The following CHEK1 variants were observed in gnomAD, a reference collection of about 807,000 sequenced individuals.
CHEK1 encodes checkpoint kinase 1.
CHEK1 carries 32 observed loss-of-function variants against 60.2 expected under a neutral mutation model. That is an observed-to-expected ratio of 0.53 (90% CI 0.40 to 0.71). The LOEUF is 0.71. Among genes scored for constraint, CHEK1 ranks in the 30% least tolerant of loss-of-function variants. The probability of loss-of-function intolerance (pLI) is 0.00; values close to 1 mark genes in which losing one functional copy is unlikely to be tolerated. For missense variants in CHEK1, 399 were observed against 564.6 expected, an observed-to-expected ratio of 0.71 and a Z score of 2.97; for synonymous variants, 179 against 187.2, an observed-to-expected ratio of 0.96 and a Z score of 0.36.
At chr11:125,667,601 C>A (rs1942123181) in intron 13 of CHEK1, among the ~76,000 whole-genome samples, 1 of 152,054 alleles carries the variant, frequency 6.6e-6, no homozygotes, top group South Asian at 2.1e-4. Flanking sequence ...TGCCTCATTG[C>A]TCTGGCTAGG....
intron 13 of CHEK1, among the ~76,000 whole-genome samples, chr11:125,665,707 T>A (rs983482510): frequency 6.6e-6 from 1 of 152,094 alleles, no homozygotes; most frequent in Non-Finnish European, 1.5e-5. Context: ...TCAATCTTGA[T>A]AGGTTGTTTG....
intron 5 of CHEK1, among the ~76,000 whole-genome samples, chr11:125,631,003 A>G (rs1356008981): frequency 6.6e-6 from 1 of 152,230 alleles, no homozygotes; most frequent in Non-Finnish European, 1.5e-5. Flanking sequence ...AAGAATTCAT[A>G]TGGTCTGATT....
At chr11:125,670,863 C>T (rs992401189) in intron 13 of CHEK1, among the ~76,000 whole-genome samples, 5 of 152,002 alleles carry the variant, frequency 3.3e-5, no homozygotes, top group African/African-American at 1.2e-4. Flanking sequence ...TATGTTTTGT[C>T]CAGAACATAT....
At chr11:125,665,490 C>T (rs899759276) in intron 13 of CHEK1, among the ~76,000 whole-genome samples, 1 of 151,874 alleles carries the variant, frequency 6.6e-6, no homozygotes. Flanking sequence ...TAATGCTGGC[C>T]TGGTAAAATC....
Position 125,627,674 on chromosome 11 carries a change from G to A in CHEK1, c.133G>A (p.Ala45Thr). ...AGTGAAGATTGTAGATATGAAGCGT[G>A]CCGTAGACTGTCCAGAAAATATTAA... is the stretch of plus-strand genomic sequence containing the variant. ...VAVKIVDMKR[A>T]VDCPENIKKE... The change falls in exon 3 of 13, where the codon GCC becomes ACC. Residue 45 changes from alanine to threonine, a missense_variant. Transcript: ENST00000438015. The A allele has an allele frequency of 6.2e-7, 1 of 1,613,970 alleles. No individual in the cohort carries two copies. The highest frequency in any genetic ancestry group is 8.5e-7 in the Non-Finnish European group (1 of 1,179,934).
downstream of CHEK1, chr11:125,678,396 G>C: frequency 7.1e-7 from 1 of 1,418,118 alleles, no homozygotes; most frequent in Non-Finnish European, 9.5e-7. Flanking sequence ...AGACTCCTAG[G>C]TTTCCTATGG....
At chr11:125,636,871 G>T (rs547567023) in intron 7 of CHEK1, among the ~76,000 whole-genome samples, 28 of 152,026 alleles carry the variant, frequency 1.8e-4, no homozygotes, top group Admixed American at 3.3e-4. Flanking sequence ...CTTTGGAAAG[G>T]TCTTCTACCT....
chr11:125,644,369 T>C, intron 10 of CHEK1, 101 bp downstream of exon 10: 1 of 1,454,432 alleles, frequency 6.9e-7, no homozygotes, highest in Non-Finnish European at 9.3e-7. Context: ...AACTTTTAAA[T>C]CACATGTATT....
rs1445428957 is a variant in CHEK1 at position 125,653,005 on chromosome 11, TC to T, written c.1234-740del. Reference sequence around the variant, plus strand: ...GACTCTAGTATCCTCTGTTCTGCCTTCTACTTCTATGAAATTAACAGTTTTT... The same window carrying T: ...GACTCTAGTATCCTCTGTTCTGCCTTTACTTCTATGAAATTAACAGTTTTT... On this transcript the variant is annotated intron_variant, in intron 11 of 12. Coordinates refer to ENST00000438015, the MANE Select transcript of CHEK1 (RefSeq NM_001114122.3). This position sits in a 1 kb window ranked among gnomAD's most constrained non-coding sequence, Gnocchi z 4.3. 2.6e-5 allele frequency among the ~76,000 whole-genome samples: 4 copies of T among 152,182 alleles called. No individual in the cohort carries two copies. The highest frequency in any genetic ancestry group is 5.9e-5 in the Non-Finnish European group (4 of 68,026).
chr11:125,636,857 A>G (rs1052539172), intron 7 of CHEK1, among the ~76,000 whole-genome samples: 1 of 151,984 alleles, frequency 6.6e-6, no homozygotes, highest in African/African-American at 2.4e-5. Flanking sequence ...CCTGACTATA[A>G]TTTCTTTGGA....
At position 125,655,328 on chromosome 11, in the gene CHEK1, A is replaced by G; in HGVS notation, c.*8A>G. ...TGGCTTCCTGCCACATGATCGGACC[A>G]TCGGCTCTGGGGAATCCTGGTGAAT... On this transcript the variant is annotated 3_prime_UTR_variant, in exon 13 of 13. Transcript: ENST00000438015. The G allele has an allele frequency of 1.9e-6, 3 of 1,589,466 alleles. No homozygotes were observed. Among genetic ancestry groups the G allele is most frequent in the East Asian group, 2.2e-5 (1 of 44,738 alleles).
At chr11:125,666,899 G>A (rs1381321801) in intron 13 of CHEK1, among the ~76,000 whole-genome samples, 1 of 149,816 alleles carries the variant, frequency 6.7e-6, no homozygotes. Context: ...AGTTTCTTGT[G>A]GGCAGGATAT....
intron 8 of CHEK1, chr11:125,643,511 A>AT: frequency 4.4e-6 from 1 of 224,796 alleles, no homozygotes; most frequent in Non-Finnish European, 8.6e-6. Context: ...AAAAAAAAAA[A>AT]GATTGTGGTC....
intron 13 of CHEK1, among the ~76,000 whole-genome samples, chr11:125,670,034 CT>C (rs1242386327): frequency 6.6e-6 from 1 of 152,126 alleles, no homozygotes; most frequent in Admixed American, 6.5e-5. Context: ...TATTTTAATT[CT>C]TTTCCTGTGT....
At chr11:125,662,434 T>A (rs182434942) in intron 13 of CHEK1, among the ~76,000 whole-genome samples, 2 of 152,216 alleles carry the variant, frequency 1.3e-5, no homozygotes, top group African/African-American at 4.8e-5. Context: ...TTCAGTATAT[T>A]AATTTGTCTG....
intron 13 of CHEK1, among the ~76,000 whole-genome samples, chr11:125,663,567 T>A (rs750587849): frequency 6.6e-5 from 10 of 152,180 alleles, no homozygotes; most frequent in Non-Finnish European, 1.5e-4. Flanking sequence ...ATATTAGACC[T>A]TCGTTGAATT....
chr11:125,660,759 A>G (rs911412461), downstream of CHEK1, among the ~76,000 whole-genome samples: 4 of 151,812 alleles, frequency 2.6e-5, no homozygotes, highest in Non-Finnish European at 5.9e-5. Context: ...TAACAAAAAA[A>G]AAAAAGAAAA....
chr11:125,678,968 T>C (rs1189704623), downstream of CHEK1, among the ~76,000 whole-genome samples: 1 of 41,658 alleles, frequency 2.4e-5, no homozygotes, highest in Admixed American at 3.1e-4. Context: ...AAAAAAAAAG[T>C]CTAGGCATAT....
downstream of CHEK1, among the ~76,000 whole-genome samples, chr11:125,661,487 TTTTTAG>T: frequency 6.6e-6 from 1 of 152,252 alleles, no homozygotes; most frequent in East Asian, 1.9e-4. Context: ...AATTTTTGTA[TTTTTAG>T]TAGAGACAGG....
Sources: allele counts gnomAD v4.1 joint callset (sites outside exome capture counted in the v4.1 genomes callset), GRCh38; gene constraint gnomAD v4.1.1; non-coding constraint Gnocchi (gnomAD v3.1); transcripts MANE v1.5; gene names NCBI Gene and HGNC (gene_info 2026-07-23, HGNC 2026-07-21).